The following MEIS2 variants were observed in gnomAD, a reference collection of about 807,000 sequenced individuals.
MEIS2 encodes the protein Meis homeobox 2.
A neutral mutation model predicts 58.6 loss-of-function variants in MEIS2; 9 were observed. The observed-to-expected ratio is 0.15, with a 90% CI of 0.09 to 0.27. MEIS2 has a LOEUF of 0.27. Ranked by LOEUF, MEIS2 falls within the 10% of genes least tolerant of loss-of-function variation. The pLI is 1.00. For synonymous variants in MEIS2, 221 were observed against 228.4 expected (o/e 0.97, Z 0.29); for missense variants, 427 against 635.0 (o/e 0.67, Z 3.52).
rs1216085333 is a variant in MEIS2 at position 37,015,345 on chromosome 15, G to A, written c.900+21469C>T. On this transcript the variant is annotated intron_variant, in intron 8 of 11. Transcript: ENST00000561208. ...TGGCCCTCTAAACCCCTTTGAACTT[G>A]TAATTGCTGCTGGTTTAAATAATGA... Among the ~76,000 whole-genome samples the A allele has an allele frequency of 5.3e-5, 8 of 152,306 alleles. No homozygotes were observed. The South Asian group carries it at 1.2e-3, about 24-fold the overall frequency.
intron 8 of MEIS2, among the ~76,000 whole-genome samples, chr15:36,987,430 AT>A (rs1358117546): frequency 1.9e-4 from 27 of 138,472 alleles, no homozygotes; most frequent in Non-Finnish European, 3.6e-4. Flanking sequence ...AAAAAAAAAA[AT>A]TGTAGATTTC....
At chr15:37,003,774 G>A (rs1012084586) in intron 8 of MEIS2, among the ~76,000 whole-genome samples, 1 of 152,174 alleles carries the variant, frequency 6.6e-6, no homozygotes, top group African/African-American at 2.4e-5. Flanking sequence ...TCCAGTAGGT[G>A]ATTAGGTCAT....
At chr15:36,896,921 G>C (rs967206163) in intron 9 of MEIS2, 2 of 427,612 alleles carry the variant, frequency 4.7e-6, no homozygotes, top group Admixed American at 7.7e-5. Context: ...ACGGAATAAA[G>C]TTCTCCATGA....
intron 8 of MEIS2, among the ~76,000 whole-genome samples, chr15:37,000,176 A>C (rs2060669698): frequency 6.6e-6 from 1 of 152,236 alleles, no homozygotes; most frequent in Non-Finnish European, 1.5e-5. Flanking sequence ...AATTGGTTGA[A>C]TCAATTAATA....
intron 8 of MEIS2, among the ~76,000 whole-genome samples, chr15:36,961,140 A>C (rs2059166694): frequency 6.6e-6 from 1 of 152,132 alleles, no homozygotes; most frequent in African/African-American, 2.4e-5. Flanking sequence ...TACCTAAACT[A>C]CAATGCATGA....
intron 9 of MEIS2, among the ~76,000 whole-genome samples, chr15:36,928,437 A>T (rs7174301): frequency 0.091 from 13,788 of 152,202 alleles, 701 homozygotes; most frequent in East Asian, 0.2. Flanking sequence ...AAGCTGAGGG[A>T]CCAAGTTCAG....
rs371316611 is a variant in MEIS2, at chr15:37,037,975, CTG to C, written c.755-1018_755-1017del. Among the ~76,000 whole-genome samples the C allele has an allele frequency of 2.4e-3, 363 of 152,288 alleles. 1 individual carries two copies. Among genetic ancestry groups the C allele is most frequent in the Middle Eastern group, 6.8e-3 (2 of 294 alleles). On this transcript the variant is annotated intron_variant, in intron 7 of 11. Transcript: ENST00000561208. The stretch of plus-strand genomic sequence containing the variant: ...GACAGCACTGGGGCTTTATAGATGG[CTG>C]TGTTTTCCTTGCACATCATTAGCCT...
At chr15:37,090,443 C>A (rs896698114) in intron 6 of MEIS2, among the ~76,000 whole-genome samples, 1 of 152,004 alleles carries the variant, frequency 6.6e-6, no homozygotes, top group African/African-American at 2.4e-5. Flanking sequence ...ATTTATATAA[C>A]TTTATGAAAT....
At chr15:37,044,843 G>A (rs1239900769) in intron 7 of MEIS2, among the ~76,000 whole-genome samples, 1 of 152,080 alleles carries the variant, frequency 6.6e-6, no homozygotes, top group Non-Finnish European at 1.5e-5. Context: ...GAGCTTTTGC[G>A]TTTCTGATTC....
intron 9 of MEIS2, among the ~76,000 whole-genome samples, chr15:36,916,286 G>A (rs1422744321): frequency 6.6e-6 from 1 of 151,924 alleles, no homozygotes; most frequent in Non-Finnish European, 1.5e-5. Flanking sequence ...AATTAGCTGG[G>A]CGTGGTGGCG....
chr15:37,094,503 C>CG, intron 5 of MEIS2, 24 bp downstream of exon 5: 1 of 1,609,638 alleles, frequency 6.2e-7, no homozygotes. Context: ...TTAATCAACA[C>CG]GGGGAGCGTT....
intron 8 of MEIS2, among the ~76,000 whole-genome samples, chr15:37,027,060 C>T (rs941352490): frequency 1.3e-5 from 2 of 152,186 alleles, no homozygotes; most frequent in African/African-American, 4.8e-5. Flanking sequence ...TAAACAACTG[C>T]TGCCAATCAA....
intron 8 of MEIS2, among the ~76,000 whole-genome samples, chr15:37,031,534 C>T (rs1454734419): frequency 6.6e-6 from 1 of 151,134 alleles, no homozygotes; most frequent in Admixed American, 6.6e-5. Flanking sequence ...TCTCTAACAT[C>T]ACATGGAACT....
intron 7 of MEIS2, among the ~76,000 whole-genome samples, chr15:37,060,266 G>A (rs897688159): frequency 1.3e-5 from 2 of 152,090 alleles, no homozygotes; most frequent in African/African-American, 4.8e-5. Flanking sequence ...TTCATTTTGG[G>A]CTTCAACATA....
At chr15:37,016,026 T>C (rs941553299) in intron 8 of MEIS2, among the ~76,000 whole-genome samples, 2 of 152,020 alleles carry the variant, frequency 1.3e-5, no homozygotes, top group African/African-American at 2.4e-5. Context: ...CCCCAACCAT[T>C]GGTAAAAATC....
chr15:36,997,057 T>C (rs902261806), intron 8 of MEIS2, among the ~76,000 whole-genome samples: 4 of 152,176 alleles, frequency 2.6e-5, no homozygotes, highest in Non-Finnish European at 4.4e-5. Flanking sequence ...GTAAAAAGCA[T>C]TGTATAGGAA....
intron 9 of MEIS2, among the ~76,000 whole-genome samples, chr15:36,901,473 A>C (rs913572973): frequency 1.3e-5 from 2 of 152,236 alleles, no homozygotes; most frequent in South Asian, 2.1e-4. Context: ...TGTCGCAGAC[A>C]TAAGTTTTCC....
intron 9 of MEIS2, among the ~76,000 whole-genome samples, chr15:36,933,885 AGTG>A (rs1424699025): frequency 3.3e-5 from 5 of 152,174 alleles, no homozygotes; most frequent in African/African-American, 1.2e-4. Context: ...GTGCGATACA[AGTG>A]GTGATTATTA....
At chr15:37,090,756 G>A (rs1237369847) in intron 6 of MEIS2, among the ~76,000 whole-genome samples, 1 of 152,076 alleles carries the variant, frequency 6.6e-6, no homozygotes, top group Non-Finnish European at 1.5e-5. Flanking sequence ...TCAAACAGCT[G>A]TCACAAACTG....
Sources: gnomAD v4.1 joint callset for allele counts (sites outside exome capture counted in the v4.1 genomes callset) on GRCh38, gnomAD v4.1.1 for gene constraint, MANE v1.5 for transcripts, NCBI Gene and HGNC (gene_info 2026-07-23, HGNC 2026-07-21) for gene names.